SRCAP: variants seen among roughly 807,000 people sequenced by gnomAD.
SRCAP encodes Snf2 related CREBBP activator protein, also known as chromatin remodeling protein SRCAP.
A neutral mutation model predicts 263.1 loss-of-function variants in SRCAP; 46 were observed. The ratio of observed to expected loss-of-function variants is 0.17; its 90% CI spans 0.14 to 0.22. The LOEUF is 0.22. SRCAP is among the 10% of genes least tolerant of loss of function. SRCAP has a pLI of 1.00. For synonymous variants in SRCAP, 1,813 were observed against 1,662.1 expected, an observed-to-expected ratio of 1.09 and a Z score of -2.21; for missense variants, 3,695 against 4,181.9, an observed-to-expected ratio of 0.88 and a Z score of 3.21.
Position 30,704,209 on chromosome 16 carries a change from C to T in SRCAP, c.200C>T (p.Ala67Val), listed in dbSNP as rs964786712. Residue 67 changes from alanine (A) to valine (V), a missense_variant, in exon 4 of 34, where the codon GCC (alanine) becomes GTC (valine). By Grantham distance (64) the Ala-to-Val change is moderately conservative. This residue lies in a region of SRCAP where 122 missense variants were observed against 116.9 expected (regional missense o/e 1.04). Transcript: ENST00000262518. ...GGACCTCCAGGCCCCCCAGATGGTGCCACAGTGCCCCTGGAGGGGTTCAGC... is the reference window on the plus strand; with the variant it reads ...GGACCTCCAGGCCCCCCAGATGGTGTCACAGTGCCCCTGGAGGGGTTCAGC... ...LDGPPGPPDG[A>V]TVPLEGFSLS... 4 of 1,614,082 alleles carry T rather than the reference C, an allele frequency of 2.5e-6. No homozygotes were observed. In the African/African-American group the frequency reaches 5.3e-5, roughly 22 times the overall value.
intron 18 of SRCAP, among the ~76,000 whole-genome samples, chr16:30,719,620 C>T (rs1235414890): frequency 1.3e-5 from 2 of 151,402 alleles, no homozygotes; most frequent in Non-Finnish European, 2.9e-5. Flanking sequence ...CTCAAGCAGT[C>T]CTCCCGCCTG....
At chr16:30,718,453 A>G (rs1321138060) in intron 18 of SRCAP, among the ~76,000 whole-genome samples, 1 of 149,582 alleles carries the variant, frequency 6.7e-6, no homozygotes, top group African/African-American at 2.5e-5. Context: ...CTGGGATTAC[A>G]GGTGTGAGCC....
intron 6 of SRCAP, among the ~76,000 whole-genome samples, 182 bp from the exon 7 acceptor site, chr16:30,709,328 CTCT>C (rs1224673283): frequency 6.6e-6 from 1 of 152,024 alleles, no homozygotes; most frequent in Non-Finnish European, 1.5e-5. Context: ...GCGAAGCTGG[CTCT>C]TCTTCCTGCA....
chr16:30,740,057 C>A lies in SRCAP; in HGVS notation c.*324C>A. The A allele has an allele frequency of 8.0e-6, 2 of 249,732 alleles. No homozygotes were observed. The highest frequency in any genetic ancestry group is 1.5e-5 in the Non-Finnish European group (2 of 132,328). The allele number at this position is 249,732 out of a possible 1,614,324, so 15.5% of individuals were successfully genotyped here. A position where few individuals can be genotyped will look rare whatever the true frequency, so the allele number is the denominator to read the frequency against. ...CTTAGGGGAAGGGGGAGGGGCTTCT[C>A]TACAATGAGGTTTTTTTCTTTTTTT... On this transcript the variant is annotated 3_prime_UTR_variant, in exon 34 of 34. Coordinates refer to ENST00000262518, the MANE Select transcript of SRCAP (RefSeq NM_006662.3).
In SRCAP at chr16:30,736,355, G is replaced by T; in HGVS notation, c.6885G>T (p.Met2295Ile). ...AGRPGAEDEE[M>I]SRAEQEIAAL... ...GGCCTGGGGCTGAGGATGAGGAGATGTCCCGGGCTGAGCAGGAAATTGCTG... is the reference window on the plus strand; with the variant it reads ...GGCCTGGGGCTGAGGATGAGGAGATTTCCCGGGCTGAGCAGGAAATTGCTG... Residue 2295 changes from methionine to isoleucine, a missense_variant, in exon 32 of 34, where the codon ATG (methionine) becomes ATT (isoleucine). Around this residue, in one of 12 missense-constraint regions of SRCAP, gnomAD observed 91 missense variants for 150.6 expected, o/e 0.60. Transcript: ENST00000262518. 1 of 1,613,848 alleles carries T rather than the reference G, an allele frequency of 6.2e-7. No individual in the cohort carries two copies. Among genetic ancestry groups the T allele is most frequent in the Non-Finnish European group, 8.5e-7 (1 of 1,179,854 alleles).
At chr16:30,721,088 G>T (rs1368010996) in intron 20 of SRCAP, 101 bp from the exon 21 acceptor site, 2 of 1,535,740 alleles carry the variant, frequency 1.3e-6, no homozygotes, top group African/African-American at 1.4e-5. Flanking sequence ...GGGGACACGG[G>T]TCTAGTATTT....
Position 30,738,740 on chromosome 16 carries a change from C to G in SRCAP, c.8700C>G (p.Thr2900=), listed in dbSNP as rs370400235. 1.2e-5 allele frequency: 20 copies of G among 1,613,978 alleles called. No individual in the cohort carries two copies. The highest frequency in any genetic ancestry group is 1.4e-5 in the Non-Finnish European group (16 of 1,180,020). ...NGADPVPGPE[T]LIVADPVLEP... ...CTGACCCAGTCCCTGGGCCTGAGAC[C>G]CTAATTGTTGCAGATCCTGTCCTGG... The change falls in exon 34 of 34, where the codon ACC becomes ACG. Residue 2900 remains threonine (T), a synonymous_variant. Transcript: ENST00000262518.
intron 26 of SRCAP, 34 bp downstream of exon 26, chr16:30,729,265 C>G: frequency 1.3e-6 from 2 of 1,597,214 alleles, no homozygotes; most frequent in Non-Finnish European, 1.7e-6. Flanking sequence ...GGGAGTGGGT[C>G]TTGGGGCCTC....
Position 30,724,561 on chromosome 16 carries a change from A to G in SRCAP, c.5137A>G (p.Thr1713Ala). 1.2e-6 allele frequency: 2 copies of G among 1,614,004 alleles called. No homozygotes were observed. Among genetic ancestry groups the G allele is most frequent in the East Asian group, 2.2e-5 (1 of 44,848 alleles). The change falls in exon 25 of 34, where the codon ACT becomes GCT. Residue 1713 changes from threonine (T) to alanine (A), a missense_variant. Thr to Ala is a moderately conservative substitution (Grantham distance 58). Around this residue, in one of 12 missense-constraint regions of SRCAP, gnomAD observed 1,347 missense variants for 1,304.4 expected, o/e 1.03. Coordinates refer to ENST00000262518, the MANE Select transcript of SRCAP (RefSeq NM_006662.3). The stretch of plus-strand genomic sequence containing the variant: ...GGGGAACCCCCAGGGACCCTTTCCA[A>G]CTCAGACATTGTCATTAACTCCAGC... ...GTGNPQGPFPTQTLSLTPASS... is the reference protein window; with the variant it reads ...GTGNPQGPFPAQTLSLTPASS...
intron 27 of SRCAP, among the ~76,000 whole-genome samples, chr16:30,729,791 C>CA (rs2053096223): frequency 6.6e-6 from 1 of 152,042 alleles, no homozygotes. Context: ...TATTTTGAGA[C>CA]AAAGTCTCGC....
chr16:30,731,890 A>T (rs2053117535), intron 27 of SRCAP, among the ~76,000 whole-genome samples: 1 of 151,522 alleles, frequency 6.6e-6, no homozygotes, highest in East Asian at 1.9e-4. Flanking sequence ...CATGTCTGTA[A>T]TCCCAGCACT....
Position 30,739,484 on chromosome 16 carries a change from T to C in SRCAP, c.9444T>C (p.Ser3148=), listed in dbSNP as rs142948420. 3.8e-4 allele frequency: 619 copies of C among 1,613,768 alleles called. 3 individuals carry two copies. In the African/African-American group the frequency reaches 7.5e-3, roughly 20 times the overall value. The change falls in exon 34 of 34, where the codon AGT becomes AGC. Residue 3148 remains serine, a synonymous_variant. Coordinates refer to ENST00000262518, the MANE Select transcript of SRCAP (RefSeq NM_006662.3). ...RKRAGAPVGG[S]PGLAKRGRLQ... ...GAGCAGGGGCCCCAGTTGGTGGGAG[T>C]CCTGGGCTGGCAAAGCGGGGCCGCC...
chr16:30,706,950 T>C (rs992908998), intron 4 of SRCAP, among the ~76,000 whole-genome samples: 4 of 152,208 alleles, frequency 2.6e-5, no homozygotes, highest in African/African-American at 4.8e-5. Context: ...TATTACTTTC[T>C]AGCTGTGTGA....
In SRCAP at chr16:30,722,690, G is replaced by C. The variant is rs781703076; in HGVS notation, c.3834G>C (p.Ser1278=). The C allele has an allele frequency of 1.2e-6, 2 of 1,613,256 alleles. No individual in the cohort carries two copies. The highest frequency in any genetic ancestry group is 8.5e-7 in the Non-Finnish European group (1 of 1,179,888). The part of the protein sequence containing the change: ...GPTPVSVLPS[S]TPSTTPAPTG... ...CCCCTGTCTCTGTGCTGCCTTCTTCGACCCCCAGCACCACCCCTGCCCCTA... is the reference window on the plus strand; with the variant it reads ...CCCCTGTCTCTGTGCTGCCTTCTTCCACCCCCAGCACCACCCCTGCCCCTA... Residue 1278 remains serine (S), a synonymous_variant, in exon 23 of 34, where the codon TCG becomes TCC. Transcript: ENST00000262518.
chr16:30,702,264 C>G (rs1286074816), intron 3 of SRCAP, among the ~76,000 whole-genome samples: 1 of 151,670 alleles, frequency 6.6e-6, no homozygotes, highest in African/African-American at 2.4e-5. Flanking sequence ...CAGAGTTTCG[C>G]TTTTGTTGCC....
chr16:30,737,838 C>G lies in SRCAP; in HGVS notation c.7798C>G (p.Leu2600Val), dbSNP rs1219848715. ...GATCCTGCCTGTGTCAGAGAAGAAC[C>G]TTTCTCTCACCCCTTCTGCACCCAG... ...VEILPVSEKNLSLTPSAPSLT... is the reference protein window; with the variant it reads ...VEILPVSEKNVSLTPSAPSLT... The change falls in exon 34 of 34, where the codon CTT (leucine) becomes GTT (valine). Residue 2600 changes from leucine (L) to valine (V), a missense_variant. Around this residue, in one of 12 missense-constraint regions of SRCAP, gnomAD observed 1,207 missense variants for 1,142.9 expected, o/e 1.06. Transcript: ENST00000262518. 5 of 1,614,160 alleles carry G rather than the reference C, an allele frequency of 3.1e-6. No individual in the cohort carries two copies. The South Asian group carries it at 3.3e-5, about 11-fold the overall frequency.
At chr16:30,728,884 T>C in intron 25 of SRCAP, 82 bp from the exon 26 acceptor site, 1 of 1,471,214 alleles carries the variant, frequency 6.8e-7, no homozygotes, top group Non-Finnish European at 9.0e-7. Context: ...TCTATATATT[T>C]ATTTCCATCT....
At position 30,723,105 on chromosome 16, in the gene SRCAP, C is replaced by G. The variant is rs150909022; in HGVS notation, c.4035C>G (p.Arg1345=). The change falls in exon 24 of 34, where the codon CGC becomes CGG. Residue 1345 remains arginine (R), a synonymous_variant. Transcript: ENST00000262518. Reference sequence around the variant, plus strand: ...GGCTTCCAGCTGTGTTGAATCCACGCCCCACGTTAACCCCTGGCCGGCTAC... The same window carrying G: ...GGCTTCCAGCTGTGTTGAATCCACGGCCCACGTTAACCCCTGGCCGGCTAC... ...SSGLPAVLNP[R]PTLTPGRLPT... is the part of the protein sequence containing the mutation. 1 of 1,613,956 alleles carries G rather than the reference C, an allele frequency of 6.2e-7. No individual in the cohort carries two copies. The highest frequency in any genetic ancestry group is 1.3e-5 in the African/African-American group (1 of 74,896).
chr16:30,733,854 TA>T lies in SRCAP; in HGVS notation c.6495-39del. ...CCGTTTACTGATGGGGTTTCCTGGA[TA>T]TATTTGGCTGCTTACACACGGCCTT... On this transcript the variant is annotated intron_variant, in intron 29 of 33. Transcript: ENST00000262518. The surrounding 1 kb of genome is among the most constrained non-coding windows in gnomAD (Gnocchi z 5.3). The T allele has an allele frequency of 6.2e-7, 1 of 1,612,814 alleles. No homozygotes were observed. Among genetic ancestry groups the T allele is most frequent in the Non-Finnish European group, 8.5e-7 (1 of 1,179,118 alleles).
Sources: allele counts gnomAD v4.1 joint callset (sites outside exome capture counted in the v4.1 genomes callset), GRCh38; gene constraint gnomAD v4.1.1; regional missense constraint gnomAD v4.1.1; non-coding constraint Gnocchi (gnomAD v3.1); transcripts MANE v1.5; gene names NCBI Gene and HGNC (gene_info 2026-07-23, HGNC 2026-07-21).